Variants in SETD2 observed in about 807,000 individuals in gnomAD.
The protein encoded by SETD2 is SET domain containing 2, histone lysine methyltransferase, also known as histone-lysine N-methyltransferase SETD2.
SETD2 carries 31 observed loss-of-function variants against 242.1 expected under a neutral mutation model. The ratio of observed to expected loss-of-function variants is 0.13; its 90% CI spans 0.10 to 0.17. The LOEUF is 0.17. Among genes scored for constraint, SETD2 ranks in the 10% least tolerant of loss-of-function variants. SETD2 has a pLI of 1.00. For synonymous variants in SETD2, 1,006 were observed against 1,066.5 expected (o/e 0.94, Z 1.11); for missense variants, 2,481 against 3,046.3 (o/e 0.81, Z 4.37).
chr3:47,063,347 C>T (rs2040422403), intron 13 of SETD2, among the ~76,000 whole-genome samples: 1 of 152,098 alleles, frequency 6.6e-6, no homozygotes, highest in African/African-American at 2.4e-5. Context: ...TAGTGGCACA[C>T]ACTTGTAGTC....
At chr3:47,160,698 T>G (rs576500309) in intron 1 of SETD2, among the ~76,000 whole-genome samples, 18 of 152,328 alleles carry the variant, frequency 1.2e-4, no homozygotes, top group African/African-American at 3.6e-4. Flanking sequence ...TTACCCTTAG[T>G]GTGCCTATGT....
Position 47,122,858 on chromosome 3 carries a change from G to A in SETD2, c.1778C>T (p.Pro593Leu), listed in dbSNP as rs1317109866. The change falls in exon 3 of 21, where the codon CCT (proline) becomes CTT (leucine). Residue 593 changes from proline (P) to leucine (L), a missense_variant. Transcript: ENST00000409792. ...KQSHSFSLQT[P>L]CSKGSELRMI... Reference sequence around the variant, plus strand: ...TCTTAATTCACTACCTTTTGAACAAGGTGTCTGTAAACTAAAAGAATGAGA... The same window carrying A: ...TCTTAATTCACTACCTTTTGAACAAAGTGTCTGTAAACTAAAAGAATGAGA... 2 of 1,612,440 alleles carry A rather than the reference G, an allele frequency of 1.2e-6. No homozygotes were observed. The highest frequency in any genetic ancestry group is 1.7e-6 in the Non-Finnish European group (2 of 1,179,272).
At chr3:47,073,090 C>T (rs1046601586) in intron 12 of SETD2, among the ~76,000 whole-genome samples, 2 of 151,018 alleles carry the variant, frequency 1.3e-5, no homozygotes, top group East Asian at 3.9e-4. Context: ...GTTTGAGGTT[C>T]CAGTGAGCTA....
At chr3:47,025,331 C>G (rs2038425122) in intron 18 of SETD2, among the ~76,000 whole-genome samples, 1 of 152,158 alleles carries the variant, frequency 6.6e-6, no homozygotes, top group Admixed American at 6.6e-5. Context: ...CATCTCCAGT[C>G]GTAGTTCCTA....
At chr3:47,069,563 T>C (rs2040725337) in intron 12 of SETD2, among the ~76,000 whole-genome samples, 1 of 152,186 alleles carries the variant, frequency 6.6e-6, no homozygotes, top group Admixed American at 6.5e-5. Context: ...AACTACTGGC[T>C]ATTCTTATCC....
At chr3:47,018,533 C>T (rs1366415374) in intron 19 of SETD2, among the ~76,000 whole-genome samples, 2 of 152,172 alleles carry the variant, frequency 1.3e-5, no homozygotes, top group African/African-American at 2.4e-5. Flanking sequence ...ACTAAATAAA[C>T]AGCTGCTGGT....
intron 1 of SETD2, among the ~76,000 whole-genome samples, chr3:47,139,038 C>T (rs2043661861): frequency 1.3e-5 from 2 of 152,152 alleles, no homozygotes; most frequent in African/African-American, 4.8e-5. Flanking sequence ...ACGATCATAG[C>T]TCATTGCAGC....
rs190205335 is a variant in SETD2 at position 47,117,374 on chromosome 3, C to A, written c.4455-620G>T. ...AGACTACTCATTCTGGAACTCAGCC[C>A]TTATTTCCTACTCCAGGTCAGCTAA... is the stretch of plus-strand genomic sequence containing the variant. On this transcript the variant is annotated intron_variant, in intron 3 of 20. Coordinates refer to ENST00000409792, the MANE Select transcript of SETD2 (RefSeq NM_014159.7). Among the ~76,000 whole-genome samples, 134 of 151,928 alleles carry A rather than the reference C, an allele frequency of 8.8e-4. 1 individual carries two copies. Among genetic ancestry groups the A allele is most frequent in the African/African-American group, 3.1e-3 (127 of 41,394 alleles).
chr3:47,034,384 T>C (rs1025956431), intron 18 of SETD2, among the ~76,000 whole-genome samples: 3 of 152,230 alleles, frequency 2.0e-5, no homozygotes, highest in Non-Finnish European at 4.4e-5. Flanking sequence ...AGCATATCAA[T>C]ATATCAGAAT....
At chr3:47,025,888 G>A (rs2038453108) in intron 18 of SETD2, among the ~76,000 whole-genome samples, 1 of 152,176 alleles carries the variant, frequency 6.6e-6, no homozygotes, top group Non-Finnish European at 1.5e-5. Flanking sequence ...TCAGGACATA[G>A]GCATGGGCAA....
intron 18 of SETD2, among the ~76,000 whole-genome samples, chr3:47,024,316 C>T (rs973474386): frequency 2.0e-5 from 3 of 151,788 alleles, no homozygotes; most frequent in East Asian, 1.9e-4. Flanking sequence ...ACTAAAAATA[C>T]GAAAAATTAG....
intron 1 of SETD2, among the ~76,000 whole-genome samples, chr3:47,141,831 T>C (rs931648965): frequency 1.3e-5 from 2 of 152,180 alleles, no homozygotes; most frequent in African/African-American, 4.8e-5. Context: ...AAAATAGCCA[T>C]TGTTTATTTT....
chr3:47,080,207 A>C (rs1285960686), intron 12 of SETD2, among the ~76,000 whole-genome samples: 1 of 152,218 alleles, frequency 6.6e-6, no homozygotes, highest in Non-Finnish European at 1.5e-5. Context: ...GCTGAATTAA[A>C]GATAATGTCT....
intron 3 of SETD2, among the ~76,000 whole-genome samples, chr3:47,117,724 A>G (rs746351459): frequency 6.6e-6 from 1 of 152,240 alleles, no homozygotes; most frequent in Non-Finnish European, 1.5e-5. Context: ...AAGAGGGCTC[A>G]ACTTTCTCCA....
chr3:47,155,017 A>T (rs1385206297), intron 1 of SETD2, among the ~76,000 whole-genome samples: 1 of 152,084 alleles, frequency 6.6e-6, no homozygotes, highest in Non-Finnish European at 1.5e-5. Flanking sequence ...TCTTAAACAT[A>T]CTATCAGACC....
At position 47,121,949 on chromosome 3, in the gene SETD2, G is replaced by C. The variant is rs1339462307; in HGVS notation, c.2687C>G (p.Thr896Ser). ...TGTGTTCTCTCCGCATTTCAAGAGA[G>C]TTAGACTGTCCACCTTTATTCCTGG... ...LPPGIKVDSLTLLKCGENTSP... is the reference protein window; with the variant it reads ...LPPGIKVDSLSLLKCGENTSP... Residue 896 changes from threonine (T) to serine (S), a missense_variant, in exon 3 of 21, where the codon ACT (threonine) becomes AGT (serine). Around this residue, in one of 17 missense-constraint regions of SETD2, gnomAD observed 1,300 missense variants for 1,259.2 expected, o/e 1.03. Coordinates refer to ENST00000409792, the MANE Select transcript of SETD2 (RefSeq NM_014159.7). 5 of 1,613,862 alleles carry C rather than the reference G, an allele frequency of 3.1e-6. No homozygotes were observed. The African/African-American group carries it at 5.3e-5, about 17-fold the overall frequency.
intron 12 of SETD2, among the ~76,000 whole-genome samples, chr3:47,072,954 AAAAG>A (rs760800645): frequency 1.7e-4 from 25 of 151,402 alleles, no homozygotes; most frequent in South Asian, 2.1e-4. Context: ...CTCAAAAAAA[AAAAG>A]AAAGAAAGAA....
intron 6 of SETD2, 138 bp from the exon 7 acceptor site, chr3:47,103,561 C>G: frequency 1.7e-6 from 1 of 601,160 alleles, no homozygotes. Context: ...TAAGGTAGGG[C>G]AGTGAGGCCT....
At position 47,098,066 on chromosome 3, in the gene SETD2, T is replaced by C. The variant is rs1007260873; in HGVS notation, c.5031A>G (p.Lys1677=). 6.2e-7 allele frequency: 1 copy of C among 1,614,024 alleles called. No individual in the cohort carries two copies. Among genetic ancestry groups the C allele is most frequent in the Non-Finnish European group, 8.5e-7 (1 of 1,179,904 alleles). ...QFQRYGKEAQ[K]CFCGSANCRG... ...GGCAATTGGCTGATCCGCAGAAACA[T>C]TTCTGGGCTTCTTTTCTGTTCAAAG... The change falls in exon 9 of 21, where the codon AAA becomes AAG. Residue 1677 remains lysine, a synonymous_variant. Transcript: ENST00000409792.
Sources: allele counts gnomAD v4.1 joint callset (sites outside exome capture counted in the v4.1 genomes callset), GRCh38; gene constraint gnomAD v4.1.1; regional missense constraint gnomAD v4.1.1; transcripts MANE v1.5; gene names NCBI Gene and HGNC (gene_info 2026-07-23, HGNC 2026-07-21).